Variants in ROBO2 observed in about 807,000 individuals in gnomAD.
ROBO2 encodes roundabout guidance receptor 2, also known as roundabout homolog 2.
A neutral mutation model predicts 160.8 loss-of-function variants in ROBO2; 53 were observed. The observed-to-expected ratio is 0.33, with a 90% CI of 0.26 to 0.41. The LOEUF (loss-of-function observed/expected upper bound fraction) is 0.41. Among genes scored for constraint, ROBO2 ranks in the 10% least tolerant of loss-of-function variants. The pLI, the probability that ROBO2 is intolerant of heterozygous loss-of-function variation, is 1.00. For synonymous variants in ROBO2, 664 were observed against 611.7 expected, an observed-to-expected ratio of 1.09 and a Z score of -1.26; for missense variants, 1,577 against 1,722.4, an observed-to-expected ratio of 0.92 and a Z score of 1.49.
At chr3:76,346,652 GACAC>G (rs1177806790) in intron 2 of ROBO2, among the ~76,000 whole-genome samples, 2 of 151,984 alleles carry the variant, frequency 1.3e-5, no homozygotes, top group South Asian at 2.1e-4. Flanking sequence ...ATGTTTCACA[GACAC>G]ACATTCATTC....
At chr3:77,264,093 C>T (rs970140244) in intron 2 of ROBO2, among the ~76,000 whole-genome samples, 7 of 151,984 alleles carry the variant, frequency 4.6e-5, no homozygotes, top group African/African-American at 1.7e-4. Context: ...ACCTCATCTG[C>T]CAATTTTTAA....
chr3:76,294,041 G>A lies in ROBO2; in HGVS notation c.109+356439G>A, dbSNP rs573852233. On this transcript the variant is annotated intron_variant, in intron 2 of 26. Transcript: ENST00000487694. Reference sequence around the variant, plus strand: ...AAAGTCCAGAGGGGGCCGAGGCAGCGTGGGACTGGTGTGTCAGCACTACCC... The same window carrying A: ...AAAGTCCAGAGGGGGCCGAGGCAGCATGGGACTGGTGTGTCAGCACTACCC... Among the ~76,000 whole-genome samples, 130 of 152,266 alleles carry A rather than the reference G, an allele frequency of 8.5e-4. No individual in the cohort carries two copies. In the Middle Eastern group the frequency reaches 0.014, roughly 16 times the overall value.
chr3:76,545,901 C>A (rs768004923), intron 2 of ROBO2, among the ~76,000 whole-genome samples: 1 of 151,608 alleles, frequency 6.6e-6, no homozygotes, highest in Admixed American at 6.6e-5. Context: ...CTATTTATTA[C>A]GAAAACAGTA....
At chr3:77,586,877 T>C (rs1349113383) in intron 16 of ROBO2, among the ~76,000 whole-genome samples, 1 of 149,244 alleles carries the variant, frequency 6.7e-6, no homozygotes, top group Non-Finnish European at 1.5e-5. Flanking sequence ...TAAATATATG[T>C]ATAATAATTA....
intron 2 of ROBO2, among the ~76,000 whole-genome samples, chr3:76,876,814 C>A (rs539754965): frequency 1.3e-5 from 2 of 151,962 alleles, no homozygotes; most frequent in African/African-American, 2.4e-5. Flanking sequence ...TAATTGCATG[C>A]AAGAAGAAAA....
At chr3:76,668,158 G>A (rs2166785) in intron 2 of ROBO2, among the ~76,000 whole-genome samples, 1,688 of 152,020 alleles carry the variant, frequency 0.011, 37 homozygotes, top group African/African-American at 0.039. Context: ...GGAGTGTAGC[G>A]GCCCCATTAT....
intron 2 of ROBO2, among the ~76,000 whole-genome samples, chr3:76,231,151 C>G (rs776302476): frequency 3.3e-5 from 5 of 152,154 alleles, no homozygotes; most frequent in Non-Finnish European, 2.9e-5. Context: ...TTAGGACAAC[C>G]CTAGGATGTT....
chr3:75,993,388 G>T (rs2065628406), intron 2 of ROBO2, among the ~76,000 whole-genome samples: 1 of 152,072 alleles, frequency 6.6e-6, no homozygotes, highest in African/African-American at 2.4e-5. Context: ...CTCTCTCTTT[G>T]TGCCTGCTAC....
intron 2 of ROBO2, among the ~76,000 whole-genome samples, chr3:77,376,500 CCT>C (rs1392673271): frequency 6.6e-6 from 1 of 152,000 alleles, no homozygotes; most frequent in African/African-American, 2.4e-5. Context: ...AGCTAAAATT[CCT>C]CTTGATTTTG....
At chr3:76,473,285 A>G (rs1259955171) in intron 2 of ROBO2, among the ~76,000 whole-genome samples, 2 of 152,102 alleles carry the variant, frequency 1.3e-5, no homozygotes, top group East Asian at 3.9e-4. Context: ...TCTTTTGAGT[A>G]CCTGAGTGCT....
intron 2 of ROBO2, among the ~76,000 whole-genome samples, chr3:76,473,148 T>A (rs2107131617): frequency 6.6e-6 from 1 of 152,266 alleles, no homozygotes; most frequent in African/African-American, 2.4e-5. Context: ...CCCACGGGCA[T>A]TTACAGTTCA....
intron 2 of ROBO2, among the ~76,000 whole-genome samples, chr3:76,936,615 A>C (rs908534701): frequency 3.3e-5 from 5 of 151,580 alleles, no homozygotes; most frequent in Non-Finnish European, 7.4e-5. Flanking sequence ...CTAACATGTT[A>C]ACCTTAGTAG....
At chr3:77,348,090 C>G (rs74281685) in intron 2 of ROBO2, among the ~76,000 whole-genome samples, 4,159 of 152,074 alleles carry the variant, frequency 0.027, 159 homozygotes, top group East Asian at 0.15. Flanking sequence ...AAAGCTTTTA[C>G]CAGACAGGGG....
intron 2 of ROBO2, among the ~76,000 whole-genome samples, chr3:76,317,684 C>G (rs986831812): frequency 6.6e-6 from 1 of 151,884 alleles, no homozygotes; most frequent in South Asian, 2.1e-4. Context: ...ATTCCAAAAC[C>G]AGGTCTGAAA....
intron 2 of ROBO2, among the ~76,000 whole-genome samples, chr3:76,765,501 A>T (rs1240613627): frequency 6.6e-6 from 1 of 151,594 alleles, no homozygotes; most frequent in Non-Finnish European, 1.5e-5. Flanking sequence ...CCAATAAAGG[A>T]TGATAGAAAT....
At chr3:76,750,894 C>A (rs1169637522) in intron 2 of ROBO2, among the ~76,000 whole-genome samples, 1 of 152,040 alleles carries the variant, frequency 6.6e-6, no homozygotes, top group Non-Finnish European at 1.5e-5. Context: ...AGATTCAATG[C>A]CATCCCCATC....
intron 2 of ROBO2, among the ~76,000 whole-genome samples, chr3:77,180,845 T>C (rs2080711448): frequency 6.6e-6 from 1 of 152,052 alleles, no homozygotes; most frequent in South Asian, 2.1e-4. Flanking sequence ...GTATACACTT[T>C]GACCCATAAT....
chr3:76,482,933 T>C (rs1463042330), intron 2 of ROBO2, among the ~76,000 whole-genome samples: 3 of 152,188 alleles, frequency 2.0e-5, no homozygotes, highest in Non-Finnish European at 4.4e-5. Flanking sequence ...TTACTTAATG[T>C]GATGTTTTCA....
intron 2 of ROBO2, among the ~76,000 whole-genome samples, chr3:77,142,822 T>C (rs1426116218): frequency 6.6e-6 from 1 of 152,152 alleles, no homozygotes; most frequent in Admixed American, 6.6e-5. Context: ...AGGCTAGGCA[T>C]GTGCACATAC....
Sources: gnomAD v4.1 joint callset for allele counts (sites outside exome capture counted in the v4.1 genomes callset) on GRCh38, gnomAD v4.1.1 for gene constraint, MANE v1.5 for transcripts, NCBI Gene and HGNC (gene_info 2026-07-23, HGNC 2026-07-21) for gene names.